The following TSPEAR variants were observed in gnomAD, a reference collection of about 807,000 sequenced individuals.
The protein encoded by TSPEAR is thrombospondin type laminin G domain and EAR repeats.
TSPEAR carries 69 observed loss-of-function variants against 71.6 expected under a neutral mutation model. That is an observed-to-expected ratio of 0.96 (90% CI 0.79 to 1.18). TSPEAR has a LOEUF of 1.18. Among genes scored for constraint, TSPEAR ranks in the 50% most tolerant of loss-of-function variants. TSPEAR has a pLI of 0.00. For missense variants in TSPEAR, 971 were observed against 894.9 expected, an observed-to-expected ratio of 1.09 and a Z score of -1.09; for synonymous variants, 402 against 387.2, an observed-to-expected ratio of 1.04 and a Z score of -0.45.
Position 44,499,407 on chromosome 21 carries a change from A to G in TSPEAR, c.*376T>C, listed in dbSNP as rs587756591. ...CACCTGCTCAGGCGGCCGGACGCAC[A>G]CTGCAGGAGTGGCTGGCGAGAGGCC... On this transcript the variant is annotated 3_prime_UTR_variant, in exon 12 of 12. Coordinates refer to ENST00000323084, the MANE Select transcript of TSPEAR (RefSeq NM_144991.3). 101 of 204,674 alleles carry G rather than the reference A, an allele frequency of 4.9e-4. 1 individual carries two copies. In the South Asian group the frequency reaches 0.01, roughly 20 times the overall value. The allele number at this position is 204,674 out of a possible 1,614,324, so 12.7% of individuals were successfully genotyped here.
intron 1 of TSPEAR, among the ~76,000 whole-genome samples, chr21:44,689,531 C>T (rs116744970): frequency 0.011 from 1,617 of 150,412 alleles, 27 homozygotes; most frequent in African/African-American, 0.038. Flanking sequence ...CCTAAATACA[C>T]TCAGATATTC....
rs1406820575 is a variant in TSPEAR, at chr21:44,498,232, C to T, written c.*1551G>A. The T allele has an allele frequency of 1.3e-5, 2 of 152,314 alleles. No individual in the cohort carries two copies. Among genetic ancestry groups the T allele is most frequent in the Non-Finnish European group, 2.9e-5 (2 of 68,080 alleles). The allele number at this position is 152,314 out of a possible 1,614,324, so 9.4% of individuals were successfully genotyped here. A position where few individuals can be genotyped will look rare whatever the true frequency, so the allele number is the denominator to read the frequency against. On this transcript the variant is annotated 3_prime_UTR_variant, in exon 12 of 12. Coordinates refer to ENST00000323084, the MANE Select transcript of TSPEAR (RefSeq NM_144991.3). ...AAAGGCAGCTTCCTGCAGGACTCAG[C>T]TTTCAGCTTTTTTCTTCTTGGTTGA... is the stretch of plus-strand genomic sequence containing the variant.
rs587757948 is a variant in TSPEAR, at chr21:44,546,373, T to C, written c.304-12450A>G. 4.3e-4 allele frequency among the ~76,000 whole-genome samples: 66 copies of C among 152,342 alleles called. No homozygotes were observed. Among genetic ancestry groups the C allele is most frequent in the Non-Finnish European group, 6.9e-4 (47 of 68,030 alleles). On this transcript the variant is annotated intron_variant, in intron 2 of 11. Coordinates refer to ENST00000323084, the MANE Select transcript of TSPEAR (RefSeq NM_144991.3). This position sits in a 1 kb window ranked among gnomAD's most constrained non-coding sequence, Gnocchi z 4.4. ...CTTTCTCTTCAGAGTCTCGCTCTGT[T>C]GCCCAGGCTGGAGTGCAGTGGTGCG...
rs9983422 is a variant in TSPEAR, at chr21:44,593,778, G to A, written c.83-25773C>T. On this transcript the variant is annotated intron_variant, in intron 1 of 11. Transcript: ENST00000323084. The surrounding 1 kb of genome is among the most constrained non-coding windows in gnomAD (Gnocchi z 5.9). Reference sequence around the variant, plus strand: ...CTGAGAGGACGGACTCTGCTCTCACGCCACAGCTGCTGTTTTTCTACAGTG... The same window carrying A: ...CTGAGAGGACGGACTCTGCTCTCACACCACAGCTGCTGTTTTTCTACAGTG... 0.033 allele frequency among the ~76,000 whole-genome samples: 5,040 copies of A among 152,256 alleles called. 202 individuals carry two copies. The highest frequency in any genetic ancestry group is 0.087 in the African/African-American group (3,623 of 41,546).
chr21:44,528,474 G>A lies in TSPEAR; in HGVS notation c.900C>T (p.Asn300=), dbSNP rs139106120. ...SRKGLYLCVG[N]EWVSVLAAKE... is the part of the protein sequence containing the mutation. ...CACCTGCTAACACGGAGACCCACTC[G>A]TTGCCAACACACAGATACAGGCCCT... Residue 300 remains asparagine (N), a synonymous_variant, in exon 6 of 12, where the codon AAC becomes AAT. Coordinates refer to ENST00000323084, the MANE Select transcript of TSPEAR (RefSeq NM_144991.3). 574 of 1,613,966 alleles carry A rather than the reference G, an allele frequency of 3.6e-4. 1 individual carries two copies. The African/African-American group carries it at 4.5e-3, about 13-fold the overall frequency.
chr21:44,568,503 G>T (rs2053737026), intron 1 of TSPEAR, among the ~76,000 whole-genome samples: 1 of 152,224 alleles, frequency 6.6e-6, no homozygotes, highest in South Asian at 2.1e-4. Context: ...GGCAGTGCCT[G>T]CCCCTCGTCC....
At chr21:44,637,450 C>A (rs782205291) in intron 1 of TSPEAR, 1 of 1,611,782 alleles carries the variant, frequency 6.2e-7, no homozygotes, top group Non-Finnish European at 8.5e-7. Context: ...TCTGCTCCAG[C>A]GCCTGCACTG....
chr21:44,687,290 G>A lies in TSPEAR; in HGVS notation c.82+24143C>T, dbSNP rs1466871352. Among the ~76,000 whole-genome samples the A allele has an allele frequency of 6.6e-6, 1 of 152,172 alleles. No individual in the cohort carries two copies. The highest frequency in any genetic ancestry group is 2.4e-5 in the African/African-American group (1 of 41,438). On this transcript the variant is annotated intron_variant, in intron 1 of 11. Coordinates refer to ENST00000323084, the MANE Select transcript of TSPEAR (RefSeq NM_144991.3). The surrounding 1 kb of genome is among the most constrained non-coding windows in gnomAD (Gnocchi z 4.4). ...CAGGGCTCCCAGTGACACACTGGGC[G>A]CCTGGTGATTACTCAGCTTCTGGGT...
chr21:44,656,109 G>T (rs1250733998), intron 1 of TSPEAR, among the ~76,000 whole-genome samples: 8 of 152,332 alleles, frequency 5.3e-5, no homozygotes, highest in Admixed American at 5.2e-4. Context: ...CACTGCTATA[G>T]TTCAGAATCA....
chr21:44,513,478 G>A (rs1254263207), intron 9 of TSPEAR, among the ~76,000 whole-genome samples: 1 of 152,222 alleles, frequency 6.6e-6, no homozygotes, highest in Admixed American at 6.5e-5. Flanking sequence ...GGAGCCAAGC[G>A]ACCAGGCACC....
At chr21:44,576,296 T>C (rs371464718) in intron 1 of TSPEAR, among the ~76,000 whole-genome samples, 3 of 146,528 alleles carry the variant, frequency 2.0e-5, no homozygotes, top group Non-Finnish European at 4.4e-5. Context: ...CACACGGATG[T>C]CCCAGGGTGG....
chr21:44,654,589 C>A, intron 1 of TSPEAR: 4 of 1,589,720 alleles, frequency 2.5e-6, no homozygotes, highest in South Asian at 1.1e-5. Context: ...CATTGGGCAG[C>A]CCGAAGAGTG....
chr21:44,592,646 G>C, intron 1 of TSPEAR: 4 of 1,120,544 alleles, frequency 3.6e-6, no homozygotes, highest in Non-Finnish European at 5.0e-6. Context: ...GTTCGCCCGT[G>C]ATGTGGGCCA....
chr21:44,614,817 C>T (rs1555932062), intron 1 of TSPEAR, among the ~76,000 whole-genome samples: 1 of 152,184 alleles, frequency 6.6e-6, no homozygotes, highest in African/African-American at 2.4e-5. Flanking sequence ...AGACACTCGA[C>T]CGAGAAGATT....
At chr21:44,658,159 C>A (rs1768261418) in intron 1 of TSPEAR, 1 of 1,614,048 alleles carries the variant, frequency 6.2e-7, no homozygotes, top group African/African-American at 1.3e-5. Context: ...CCGTGAGCTG[C>A]AGGCCCATCA....
Position 44,509,272 on chromosome 21 carries a change from T to TG in TSPEAR, c.1680dup (p.Ile561HisfsTer133). 2 of 1,614,012 alleles carry TG rather than the reference T, an allele frequency of 1.2e-6. No individual in the cohort carries two copies. The highest frequency in any genetic ancestry group is 1.7e-6 in the Non-Finnish European group (2 of 1,180,004). On this transcript the variant is annotated frameshift_variant, in exon 10 of 12. Coordinates refer to ENST00000323084, the MANE Select transcript of TSPEAR (RefSeq NM_144991.3). LOFTEE classifies it high-confidence loss of function. ...TTCAGCTCGTAGATGACGGAGTTGA[T>TG]GACATAGGAATCATTCTGGACTTGC...
chr21:44,706,426 CACACACCCACGTGCGCACCCACATGT>C (rs1299781654), intron 1 of TSPEAR, among the ~76,000 whole-genome samples: 51 of 151,666 alleles, frequency 3.4e-4, no homozygotes, highest in Middle Eastern at 3.4e-3. Context: ...CACACGCGCG[CACACACCCACGTGCGCACCCACATGT>C]ACACACCCAC....
At chr21:44,625,750 T>G (rs1982732009) in intron 1 of TSPEAR, among the ~76,000 whole-genome samples, 1 of 152,246 alleles carries the variant, frequency 6.6e-6, no homozygotes. Context: ...ACTGTGGGGC[T>G]CACTGGCCAC....
At chr21:44,508,388 T>C (rs781933870) in intron 10 of TSPEAR, 15 of 728,602 alleles carry the variant, frequency 2.1e-5, no homozygotes, top group Non-Finnish European at 2.4e-5. Context: ...CCGAATGAAA[T>C]AGGAGTGCAT....
Sources: allele counts gnomAD v4.1 joint callset (sites outside exome capture counted in the v4.1 genomes callset), GRCh38; gene constraint gnomAD v4.1.1; non-coding constraint Gnocchi (gnomAD v3.1); transcripts MANE v1.5; gene names NCBI Gene and HGNC (gene_info 2026-07-23, HGNC 2026-07-21).